The following CD2 variants were observed in gnomAD, a reference collection of about 807,000 sequenced individuals.
CD2 encodes T-cell surface antigen CD2.
CD2 carries 18 observed loss-of-function variants against 23.2 expected under a neutral mutation model. The ratio of observed to expected loss-of-function variants is 0.77; its 90% CI spans 0.54 to 1.15. The LOEUF is 1.15. Ranked by LOEUF, CD2 falls within the 50% of genes most tolerant of loss-of-function variation. CD2 has a pLI of 0.00. For synonymous variants in CD2, 162 were observed against 151.9 expected (o/e 1.07, Z -0.49); for missense variants, 424 against 423.1 (o/e 1.00, Z -0.02).
At position 116,754,961 on chromosome 1, in the gene CD2, C is replaced by A. The variant is rs754818845; in HGVS notation, c.382+10C>A. 2 of 1,553,374 alleles carry A rather than the reference C, an allele frequency of 1.3e-6. No individual in the cohort carries two copies. The highest frequency in any genetic ancestry group is 2.3e-5 in the South Asian group (2 of 85,154). On this transcript the variant is annotated intron_variant, in intron 2 of 4. Coordinates refer to ENST00000369478, the MANE Select transcript of CD2 (RefSeq NM_001767.5). ...GATTTGAAGATTCAAGGTAAGTGTTCATTCCCTTAATTGCTTTATTTCAGT... is the reference window on the plus strand; with the variant it reads ...GATTTGAAGATTCAAGGTAAGTGTTAATTCCCTTAATTGCTTTATTTCAGT...
At position 116,754,471 on chromosome 1, in the gene CD2, A is replaced by G. The variant is rs2101151871; in HGVS notation, c.-22A>G. ...CTTTTGCATGAAGAGCTCAGAATCA[A>G]AAGAGGAAACCAACCCCTAAGATGA... On this transcript the variant is annotated 5_prime_UTR_variant, in exon 1 of 5. Transcript: ENST00000369478. The G allele has an allele frequency of 1.2e-6, 2 of 1,610,974 alleles. No homozygotes were observed. The highest frequency in any genetic ancestry group is 4.5e-5 in the East Asian group (2 of 44,862).
chr1:116,754,720 A>G lies in CD2; in HGVS notation c.151A>G (p.Ser51Gly). 6.2e-7 allele frequency: 1 copy of G among 1,613,278 alleles called. No homozygotes were observed. Among genetic ancestry groups the G allele is most frequent in the Non-Finnish European group, 8.5e-7 (1 of 1,179,652 alleles). Residue 51 changes from serine to glycine, a missense_variant, in exon 2 of 5, where the codon AGT (serine) becomes GGT (glycine). Physicochemically the swap from Ser to Gly is moderately conservative, Grantham distance 56 (BLOSUM62 0). Coordinates refer to ENST00000369478, the MANE Select transcript of CD2 (RefSeq NM_001767.5). ...CTTGGACATTCCTAGTTTTCAAATG[A>G]GTGATGATATTGACGATATAAAATG... The part of the protein sequence containing the change: ...INLDIPSFQM[S>G]DDIDDIKWEK...
intron 2 of CD2, among the ~76,000 whole-genome samples, chr1:116,758,844 G>T (rs1227133289): frequency 6.6e-6 from 1 of 152,152 alleles, no homozygotes; most frequent in African/African-American, 2.4e-5. Flanking sequence ...TTATATATAA[G>T]AAAACAGAGA....
chr1:116,756,814 A>G (rs1651863166), intron 2 of CD2, among the ~76,000 whole-genome samples: 1 of 152,116 alleles, frequency 6.6e-6, no homozygotes, highest in Non-Finnish European at 1.5e-5. Context: ...ACCAGACTTA[A>G]GGTGACCATG....
chr1:116,764,405 G>A (rs1463867682), intron 3 of CD2, 79 bp from the exon 4 acceptor site: 4 of 1,558,386 alleles, frequency 2.6e-6, no homozygotes, highest in Non-Finnish European at 3.5e-6. Context: ...GCTTGATGCA[G>A]GAGGCAGCAT....
chr1:116,764,977 G>A (rs1178342539), intron 4 of CD2, among the ~76,000 whole-genome samples: 1 of 152,156 alleles, frequency 6.6e-6, no homozygotes, highest in African/African-American at 2.4e-5. Flanking sequence ...ATCTATGGGT[G>A]GCCCAAGGTG....
Position 116,758,484 on chromosome 1 carries a change from C to A in CD2, c.383-1918C>A, listed in dbSNP as rs544039976. Among the ~76,000 whole-genome samples the A allele has an allele frequency of 3.9e-5, 6 of 152,204 alleles. No individual in the cohort carries two copies. In the South Asian group the frequency reaches 1.0e-3, roughly 27 times the overall value. On this transcript the variant is annotated intron_variant, in intron 2 of 4. Transcript: ENST00000369478. ...GTGTCAGATTGCCCACTCCAGCAAT[C>A]CCAGACACTGTCAGCTCCCCTGAAG...
Position 116,768,456 on chromosome 1 carries a change from T to C in CD2, c.737-8T>C. The C allele has an allele frequency of 6.2e-7, 1 of 1,611,948 alleles. No individual in the cohort carries two copies. On this transcript the variant is annotated splice_region_variant and splice_polypyrimidine_tract_variant and intron_variant, in intron 4 of 4. Coordinates refer to ENST00000369478, the MANE Select transcript of CD2 (RefSeq NM_001767.5). ...AAGATGAACTCTATTGAGGTTTTGT[T>C]GTTGCAGATGAGGAGCTGGAGACAA... is the stretch of plus-strand genomic sequence containing the variant.
chr1:116,761,740 G>A (rs539257535), intron 3 of CD2, among the ~76,000 whole-genome samples: 12 of 152,240 alleles, frequency 7.9e-5, no homozygotes, highest in Admixed American at 3.9e-4. Flanking sequence ...TCACCAACTT[G>A]ACCAGCATCA....
At chr1:116,766,380 C>T (rs1652214735) in intron 4 of CD2, among the ~76,000 whole-genome samples, 1 of 152,240 alleles carries the variant, frequency 6.6e-6, no homozygotes, top group South Asian at 2.1e-4. Flanking sequence ...TACCAGAGCT[C>T]ATGTGCCTCT....
At chr1:116,760,684 C>CCTCTGCCTACTG in intron 3 of CD2, 52 bp downstream of exon 3, 3 of 1,384,706 alleles carry the variant, frequency 2.2e-6, no homozygotes, top group Non-Finnish European at 3.1e-6. Flanking sequence ...CCTCAGTAGG[C>CCTCTGCCTACTG]AGAGGCATGC....
chr1:116,768,481 A>G lies in CD2; in HGVS notation c.754A>G (p.Arg252Gly). The G allele has an allele frequency of 3.1e-6, 5 of 1,613,784 alleles. No homozygotes were observed. The highest frequency in any genetic ancestry group is 4.2e-6 in the Non-Finnish European group (5 of 1,179,728). ...TGTTGCAGATGAGGAGCTGGAGACAAGAGCCCACAGAGTAGCTACTGAAGA... is the reference window on the plus strand; with the variant it reads ...TGTTGCAGATGAGGAGCTGGAGACAGGAGCCCACAGAGTAGCTACTGAAGA... ...SRRNDEELET[R>G]AHRVATEERG... The change falls in exon 5 of 5, where the codon AGA becomes GGA. Residue 252 changes from arginine (R) to glycine (G), a missense_variant. Transcript: ENST00000369478.
In CD2 at chr1:116,754,838, G is replaced by C; in HGVS notation, c.269G>C (p.Gly90Ala). 6.2e-7 allele frequency: 1 copy of C among 1,612,670 alleles called. No individual in the cohort carries two copies. Among genetic ancestry groups the C allele is most frequent in the Non-Finnish European group, 8.5e-7 (1 of 1,178,804 alleles). The stretch of plus-strand genomic sequence containing the variant: ...GATACATATAAGCTATTTAAAAATG[G>C]AACTCTGAAAATTAAGCATCTGAAG... The part of the protein sequence containing the change: ...EKDTYKLFKN[G>A]TLKIKHLKTD... The change falls in exon 2 of 5, where the codon GGA becomes GCA. Residue 90 changes from glycine to alanine, a missense_variant. Gly to Ala is a moderately conservative substitution (Grantham distance 60, BLOSUM62 0). Transcript: ENST00000369478.
At chr1:116,761,880 G>C (rs1475141217) in intron 3 of CD2, among the ~76,000 whole-genome samples, 1 of 152,154 alleles carries the variant, frequency 6.6e-6, no homozygotes, top group African/African-American at 2.4e-5. Context: ...GCCAAGGCTG[G>C]AGTGTGGTAG....
At chr1:116,768,175 T>C (rs1297958127) in intron 4 of CD2, among the ~76,000 whole-genome samples, 1 of 152,180 alleles carries the variant, frequency 6.6e-6, no homozygotes, top group East Asian at 1.9e-4. Context: ...GGGTTCCAGG[T>C]CTGCGTGCTC....
At chr1:116,756,614 C>T (rs781029550) in intron 2 of CD2, among the ~76,000 whole-genome samples, 1 of 151,988 alleles carries the variant, frequency 6.6e-6, no homozygotes, top group Non-Finnish European at 1.5e-5. Context: ...ATTCATCTAC[C>T]ATTCAATTTG....
At position 116,757,752 on chromosome 1, in the gene CD2, T is replaced by TAG. The variant is rs369185297; in HGVS notation, c.383-2627_383-2626dup. ...TTTTAAAATATTACATATATATATA[T>TAG]AGAGAGAGAGAGAGAGAGAGAGAGG... On this transcript the variant is annotated intron_variant, in intron 2 of 4. Coordinates refer to ENST00000369478, the MANE Select transcript of CD2 (RefSeq NM_001767.5). Among the ~76,000 whole-genome samples the TAG allele has an allele frequency of 1.0e-2, 1,401 of 140,648 alleles. 44 individuals carry two copies. Among genetic ancestry groups the TAG allele is most frequent in the Admixed American group, 0.081 (1,108 of 13,674 alleles). The allele number at this position is 140,648 out of a possible 152,430, so 92.3% of individuals were successfully genotyped here. A position where few individuals can be genotyped will look rare whatever the true frequency, so the allele number is the denominator to read the frequency against.
At chr1:116,764,663 C>T in intron 4 of CD2, 57 bp downstream of exon 4, 1 of 1,277,672 alleles carries the variant, frequency 7.8e-7, no homozygotes, top group Non-Finnish European at 1.1e-6. Context: ...CATGAAACAG[C>T]TCATGGGGAT....
At chr1:116,764,186 T>A (rs1343762483) in intron 3 of CD2, among the ~76,000 whole-genome samples, 2 of 152,110 alleles carry the variant, frequency 1.3e-5, no homozygotes, top group South Asian at 4.2e-4. Flanking sequence ...GATCTAAAAT[T>A]TCGTGATGCT....
Sources: gnomAD v4.1 joint callset for allele counts (sites outside exome capture counted in the v4.1 genomes callset) on GRCh38, gnomAD v4.1.1 for gene constraint, MANE v1.5 for transcripts, NCBI Gene and HGNC (gene_info 2026-07-23, HGNC 2026-07-21) for gene names.